TYW1B: variants seen among roughly 807,000 people sequenced by gnomAD.
The protein encoded by TYW1B is S-adenosyl-L-methionine-dependent tRNA 4-demethylwyosine synthase TYW1B.
TYW1B carries 73 observed loss-of-function variants against 86.9 expected under a neutral mutation model. That is an observed-to-expected ratio of 0.84 (90% CI 0.70 to 1.02). The LOEUF (loss-of-function observed/expected upper bound fraction) is 1.02. Ranked by LOEUF, TYW1B falls within the 50% of genes least tolerant of loss-of-function variation. The probability of loss-of-function intolerance (pLI) is 0.00; values close to 1 mark genes in which losing one functional copy is unlikely to be tolerated. For missense variants in TYW1B, 637 were observed against 827.4 expected (o/e 0.77, Z 2.82); for synonymous variants, 248 against 292.8 (o/e 0.85, Z 1.56).
chr7:72,627,034 C>T (rs1468201136), intron 12 of TYW1B, among the ~76,000 whole-genome samples: 9 of 151,950 alleles, frequency 5.9e-5, no homozygotes, highest in Non-Finnish European at 1.0e-4. Context: ...ATTCATCCTA[C>T]GCCACTGCCA....
rs13234390 is a variant in TYW1B at position 72,631,705 on chromosome 7, T to C, written c.1507-2708A>G. Among the ~76,000 whole-genome samples the C allele has an allele frequency of 7.7e-3, 1,170 of 151,968 alleles. 11 individuals are homozygous for C. Among genetic ancestry groups the C allele is most frequent in the Non-Finnish European group, 0.01 (691 of 67,976 alleles). On this transcript the variant is annotated intron_variant, in intron 11 of 13. Transcript: ENST00000620995. ...CTGGTTTCTTGGAAACCTAAGAGAA[T>C]CAACTAAAAATGAGATTAGGCCAGT...
chr7:72,752,059 G>C (rs144565420), intron 7 of TYW1B, among the ~76,000 whole-genome samples: 1 of 152,238 alleles, frequency 6.6e-6, no homozygotes, highest in Non-Finnish European at 1.5e-5. Flanking sequence ...TCTCTGGGTA[G>C]AGAGGGAAGT....
intron 6 of TYW1B, among the ~76,000 whole-genome samples, chr7:72,782,060 G>A (rs1309851895): frequency 6.6e-6 from 1 of 152,166 alleles, no homozygotes; most frequent in Non-Finnish European, 1.5e-5. Flanking sequence ...AAGGCAGGAA[G>A]ACTGGTTGAG....
At chr7:72,815,098 G>C (rs1264322297) in intron 3 of TYW1B, among the ~76,000 whole-genome samples, 2 of 143,942 alleles carry the variant, frequency 1.4e-5, no homozygotes, top group South Asian at 2.3e-4. Context: ...AAAGAAAATT[G>C]TGGGAAGGAG....
chr7:72,703,986 A>C (rs556819233), intron 10 of TYW1B, among the ~76,000 whole-genome samples: 1 of 152,278 alleles, frequency 6.6e-6, no homozygotes, highest in Non-Finnish European at 1.5e-5. Context: ...TACTCTACTA[A>C]TTTTATCAGT....
intron 11 of TYW1B, among the ~76,000 whole-genome samples, chr7:72,657,981 A>C (rs1276190365): frequency 2.0e-5 from 3 of 152,192 alleles, no homozygotes; most frequent in Non-Finnish European, 4.4e-5. Context: ...ATGGGCCAGG[A>C]GCGGTGGCTC....
intron 2 of TYW1B, among the ~76,000 whole-genome samples, chr7:72,825,562 C>G (rs1339723017): frequency 2.6e-5 from 4 of 152,172 alleles, no homozygotes. Flanking sequence ...CACCTATAAT[C>G]CCAGCTACTC....
intron 12 of TYW1B, among the ~76,000 whole-genome samples, chr7:72,625,012 T>G (rs1812307719): frequency 6.6e-6 from 1 of 151,536 alleles, no homozygotes; most frequent in Non-Finnish European, 1.5e-5. Flanking sequence ...TGAACCGAGA[T>G]TGTGCCAGTG....
chr7:72,627,745 A>G (rs1812383249), intron 12 of TYW1B, among the ~76,000 whole-genome samples: 1 of 152,114 alleles, frequency 6.6e-6, no homozygotes, highest in Non-Finnish European at 1.5e-5. Flanking sequence ...AAACAAACCC[A>G]CACACACATG....
chr7:72,646,690 T>C (rs1197814873), intron 11 of TYW1B, among the ~76,000 whole-genome samples: 1 of 152,194 alleles, frequency 6.6e-6, no homozygotes, highest in Non-Finnish European at 1.5e-5. Context: ...AGTCTTTATA[T>C]GTTGTATACG....
chr7:72,669,882 G>A (rs1174675351), intron 11 of TYW1B, among the ~76,000 whole-genome samples: 1 of 151,866 alleles, frequency 6.6e-6, no homozygotes, highest in Non-Finnish European at 1.5e-5. Flanking sequence ...ACCACTTGAG[G>A]CCAGGAGCTG....
At chr7:72,678,569 A>C (rs1397183981) in intron 11 of TYW1B, among the ~76,000 whole-genome samples, 1 of 152,154 alleles carries the variant, frequency 6.6e-6, no homozygotes, top group Non-Finnish European at 1.5e-5. Flanking sequence ...GGCAAAACCT[A>C]AAACCCTGAC....
intron 7 of TYW1B, among the ~76,000 whole-genome samples, chr7:72,765,993 T>G (rs1308855354): frequency 2.0e-5 from 3 of 152,214 alleles, no homozygotes; most frequent in African/African-American, 4.8e-5. Context: ...CTTGGCAGAC[T>G]TGTAATTGAA....
chr7:72,600,877 C>T (rs1811649449), intron 13 of TYW1B, among the ~76,000 whole-genome samples: 3 of 151,884 alleles, frequency 2.0e-5, no homozygotes, highest in Admixed American at 2.0e-4. Flanking sequence ...AAAAAAAGGG[C>T]CGGGCGTGGT....
intron 11 of TYW1B, among the ~76,000 whole-genome samples, chr7:72,666,253 A>AAAAT (rs1563051946): frequency 6.6e-6 from 1 of 152,072 alleles, no homozygotes; most frequent in Non-Finnish European, 1.5e-5. Context: ...GTCTCTAAAA[A>AAAAT]AAATAAATAA....
At chr7:72,652,404 AAAT>A (rs1813086859) in intron 11 of TYW1B, among the ~76,000 whole-genome samples, 2 of 150,512 alleles carry the variant, frequency 1.3e-5, no homozygotes, top group African/African-American at 4.9e-5. Context: ...AAAAAAAAAA[AAAT>A]TTTTGTGACA....
At chr7:72,590,141 T>G (rs1811362351) in intron 13 of TYW1B, among the ~76,000 whole-genome samples, 1 of 152,214 alleles carries the variant, frequency 6.6e-6, no homozygotes, top group Non-Finnish European at 1.5e-5. Flanking sequence ...TTTGGAACTC[T>G]GGAGTCTATT....
At chr7:72,814,802 C>T (rs1554479065) in intron 3 of TYW1B, among the ~76,000 whole-genome samples, 6 of 150,312 alleles carry the variant, frequency 4.0e-5, no homozygotes, top group Admixed American at 6.6e-5. Context: ...CAGTCGCTCA[C>T]GCCTATAATC....
chr7:72,711,473 CTTTTTT>C (rs59438928), intron 10 of TYW1B, among the ~76,000 whole-genome samples: 2 of 56,948 alleles, frequency 3.5e-5, no homozygotes, highest in African/African-American at 1.5e-4. Context: ...CTCTTTAATT[CTTTTTT>C]TTTTTTTTTT....
Sources: gnomAD v4.1 joint callset for allele counts (sites outside exome capture counted in the v4.1 genomes callset) on GRCh38, gnomAD v4.1.1 for gene constraint, MANE v1.5 for transcripts, NCBI Gene and HGNC (gene_info 2026-07-23, HGNC 2026-07-21) for gene names.